The following ZFYVE16 variants were observed in gnomAD, a reference collection of about 807,000 sequenced individuals.
ZFYVE16 encodes the protein zinc finger FYVE domain-containing protein 16.
A neutral mutation model predicts 138.1 loss-of-function variants in ZFYVE16; 89 were observed. That is an observed-to-expected ratio of 0.64 (90% CI 0.54 to 0.77). ZFYVE16 has a LOEUF of 0.77. Among genes scored for constraint, ZFYVE16 ranks in the 30% least tolerant of loss-of-function variants. The pLI is 0.00. For synonymous variants in ZFYVE16, 596 were observed against 618.3 expected, an observed-to-expected ratio of 0.96 and a Z score of 0.53; for missense variants, 1,793 against 1,786.7, an observed-to-expected ratio of 1.00 and a Z score of -0.06.
rs1250203785 is a variant in ZFYVE16 at position 80,449,686 on chromosome 5, C to T, written c.3199C>T (p.Leu1067=). 1 of 1,603,810 alleles carries T rather than the reference C, an allele frequency of 6.2e-7. No homozygotes were observed. Among genetic ancestry groups the T allele is most frequent in the Admixed American group, 1.7e-5 (1 of 57,344 alleles). ...HPVTFVLNAN[L]LVNVKFIFYS... ...TGTTACATTTGTCCTAAATGCTAAT[C>T]TACTCGTGAATGTCAAATTCATATT... Residue 1067 remains leucine, a synonymous_variant, in exon 9 of 19, where the codon CTA becomes TTA. Transcript: ENST00000505560.
At chr5:80,420,425 C>A (rs901393855) in intron 1 of ZFYVE16, among the ~76,000 whole-genome samples, 5 of 152,126 alleles carry the variant, frequency 3.3e-5, no homozygotes, top group African/African-American at 9.7e-5. Flanking sequence ...AGGTATATCT[C>A]CTAATGCTAT....
intron 2 of ZFYVE16, among the ~76,000 whole-genome samples, chr5:80,429,891 A>C (rs1454316018): frequency 6.6e-6 from 1 of 152,218 alleles, no homozygotes; most frequent in East Asian, 1.9e-4. Context: ...AGAGCTCACT[A>C]TCCTAAATAT....
intron 7 of ZFYVE16, among the ~76,000 whole-genome samples, chr5:80,446,259 C>T (rs1425287703): frequency 6.6e-6 from 1 of 152,054 alleles, no homozygotes; most frequent in Non-Finnish European, 1.5e-5. Context: ...AGCTTCAGGA[C>T]CCCTTTATAC....
At chr5:80,413,003 T>C (rs1745669581) in intron 1 of ZFYVE16, among the ~76,000 whole-genome samples, 1 of 150,290 alleles carries the variant, frequency 6.7e-6, no homozygotes, top group African/African-American at 2.5e-5. Context: ...AGTGAGACCT[T>C]GTCTCCACAA....
At chr5:80,431,422 A>T (rs1044070714) in intron 2 of ZFYVE16, among the ~76,000 whole-genome samples, 4 of 152,260 alleles carry the variant, frequency 2.6e-5, no homozygotes, top group Admixed American at 2.6e-4. Flanking sequence ...TAAATTAGGT[A>T]TTGATGAGAC....
chr5:80,438,126 C>G lies in ZFYVE16; in HGVS notation c.1441C>G (p.Gln481Glu), dbSNP rs764953298. 6.2e-7 allele frequency: 1 copy of G among 1,613,980 alleles called. No homozygotes were observed. The highest frequency in any genetic ancestry group is 8.5e-7 in the Non-Finnish European group (1 of 1,179,950). Residue 481 changes from glutamine to glutamate, a missense_variant, in exon 4 of 19, where the codon CAA becomes GAA. Around this residue, in one of 2 missense-constraint regions of ZFYVE16, gnomAD observed 1,295 missense variants for 1,204.3 expected, o/e 1.08. Transcript: ENST00000505560. ...GDTSSTVVES[Q>E]EGLSGTHVPE... Reference sequence around the variant, plus strand: ...CACCAGTTCTACAGTTGTAGAATCTCAAGAGGGGCTTTCTGGCACTCATGT... The same window carrying G: ...CACCAGTTCTACAGTTGTAGAATCTGAAGAGGGGCTTTCTGGCACTCATGT...
chr5:80,474,564 G>C, intron 17 of ZFYVE16, 99 bp from the exon 18 acceptor site: 1 of 1,190,754 alleles, frequency 8.4e-7, no homozygotes, highest in Non-Finnish European at 1.2e-6. Context: ...TGCTTTTCAT[G>C]GTACTTACAT....
chr5:80,448,189 G>C lies in ZFYVE16; in HGVS notation c.2888G>C (p.Gly963Ala). ...GGAAATGAGGGGTTACCTACTTCTG[G>C]TTCATTTACACTAGATGATGATGTT... ...NTGNEGLPTS[G>A]SFTLDDDVFA... Residue 963 changes from glycine (G) to alanine (A), a missense_variant, in exon 8 of 19, where the codon GGT (glycine) becomes GCT (alanine). Gly to Ala is a moderately conservative substitution (Grantham distance 60, BLOSUM62 0). This residue lies in a region of ZFYVE16 where 1,295 missense variants were observed against 1,204.3 expected (regional missense o/e 1.08). Transcript: ENST00000505560. The C allele has an allele frequency of 6.2e-7, 1 of 1,613,808 alleles. No individual in the cohort carries two copies. The highest frequency in any genetic ancestry group is 1.3e-5 in the African/African-American group (1 of 74,990).
chr5:80,426,576 T>G lies in ZFYVE16; in HGVS notation c.-93-916T>G, dbSNP rs539161062. Among the ~76,000 whole-genome samples the G allele has an allele frequency of 2.6e-5, 4 of 152,252 alleles. No individual in the cohort carries two copies. In the East Asian group the frequency reaches 7.7e-4, roughly 29 times the overall value. Reference sequence around the variant, plus strand: ...TTGGTTTTCTGTTCTTGCATTAGTTTGCTGAGAATAATGGCTTTTAGCCTC... The same window carrying G: ...TTGGTTTTCTGTTCTTGCATTAGTTGGCTGAGAATAATGGCTTTTAGCCTC... On this transcript the variant is annotated intron_variant, in intron 1 of 18. Coordinates refer to ENST00000505560, the MANE Select transcript of ZFYVE16 (RefSeq NM_001284236.3).
At chr5:80,420,758 G>A (rs971002651) in intron 1 of ZFYVE16, among the ~76,000 whole-genome samples, 20 of 152,172 alleles carry the variant, frequency 1.3e-4, no homozygotes, top group African/African-American at 4.8e-4. Context: ...ATAAACATAT[G>A]TGTGCATGTG....
At chr5:80,414,136 A>G (rs919217619) in intron 1 of ZFYVE16, among the ~76,000 whole-genome samples, 5 of 152,060 alleles carry the variant, frequency 3.3e-5, no homozygotes, top group African/African-American at 4.8e-5. Flanking sequence ...TGTACCTTTT[A>G]TATTTCTTTA....
At chr5:80,448,634 A>G (rs1298000161) in intron 8 of ZFYVE16, among the ~76,000 whole-genome samples, 2 of 152,220 alleles carry the variant, frequency 1.3e-5, no homozygotes, top group South Asian at 2.1e-4. Flanking sequence ...GATTAAGTCT[A>G]TGAGGGAAGC....
intron 7 of ZFYVE16, among the ~76,000 whole-genome samples, chr5:80,445,768 T>G (rs1751265144): frequency 6.6e-6 from 1 of 152,008 alleles, no homozygotes; most frequent in Admixed American, 6.6e-5. Context: ...ATTACTTTTT[T>G]TTTTTTTAGA....
intron 5 of ZFYVE16, chr5:80,442,902 G>T (rs1750877233): frequency 6.5e-6 from 3 of 462,156 alleles, no homozygotes; most frequent in East Asian, 4.1e-5. Context: ...ATATAATATT[G>T]AAATAACTTA....
In ZFYVE16 at chr5:80,456,994, C is replaced by T; in HGVS notation, c.3845C>T (p.Ala1282Val). The T allele has an allele frequency of 6.2e-7, 1 of 1,610,646 alleles. No individual in the cohort carries two copies. Among genetic ancestry groups the T allele is most frequent in the Non-Finnish European group, 8.5e-7 (1 of 1,179,014 alleles). ...SSNEHVISIG[A>V]SFSTEADSHL... The stretch of plus-strand genomic sequence containing the variant: ...AATGAGCATGTCATTAGCATTGGAG[C>T]AAGTTTCAGTACAGAAGCAGATTCT... The change falls in exon 14 of 19, where the codon GCA becomes GTA. Residue 1282 changes from alanine to valine, a missense_variant. Ala to Val is a moderately conservative substitution (Grantham distance 64). Transcript: ENST00000505560.
Position 80,479,240 on chromosome 5 carries a change from A to G in ZFYVE16, c.*1863A>G, listed in dbSNP as rs545127743. ...TTAATTTTTTAAGAGAAGAAATAGA[A>G]TGGTTCTTTGTACTCAGTCTGCAAT... On this transcript the variant is annotated 3_prime_UTR_variant, in exon 19 of 19. Transcript: ENST00000505560. The G allele has an allele frequency of 6.6e-6, 1 of 152,278 alleles. No homozygotes were observed. Among genetic ancestry groups the G allele is most frequent in the African/African-American group, 2.4e-5 (1 of 41,560 alleles). 9.4% of individuals were successfully genotyped at this position (152,278 alleles called of 1,614,324 possible).
intron 5 of ZFYVE16, chr5:80,441,213 C>A: frequency 6.1e-6 from 6 of 985,384 alleles, no homozygotes; most frequent in Non-Finnish European, 6.0e-6. Flanking sequence ...AGAAATTAAA[C>A]ATCCATGAAG....
intron 2 of ZFYVE16, among the ~76,000 whole-genome samples, chr5:80,429,151 T>A (rs571818467): frequency 1.2e-4 from 18 of 152,208 alleles, no homozygotes; most frequent in Non-Finnish European, 2.1e-4. Context: ...GACACATAAT[T>A]GTCAGATTCA....
At chr5:80,446,354 T>C (rs186382732) in intron 7 of ZFYVE16, among the ~76,000 whole-genome samples, 616 of 152,202 alleles carry the variant, frequency 4.0e-3, no homozygotes, top group Non-Finnish European at 6.9e-3. Context: ...TTCAGAAATT[T>C]AAAAAATATT....
Sources: gnomAD v4.1 joint callset for allele counts (sites outside exome capture counted in the v4.1 genomes callset) on GRCh38, gnomAD v4.1.1 for gene constraint, gnomAD v4.1.1 regional missense constraint, MANE v1.5 for transcripts, NCBI Gene and HGNC (gene_info 2026-07-23, HGNC 2026-07-21) for gene names.